The following EYS variants were observed in gnomAD, a reference collection of about 807,000 sequenced individuals.
EYS encodes the protein protein eyes shut homolog.
Under a neutral mutation model 282.1 loss-of-function variants are expected in EYS, and 250 were observed. The ratio of observed to expected loss-of-function variants is 0.89; its 90% CI spans 0.80 to 0.98. The LOEUF is 0.98. Among genes scored for constraint, EYS ranks in the 50% least tolerant of loss-of-function variants. The probability of loss-of-function intolerance (pLI) is 0.00; values close to 1 mark genes in which losing one functional copy is unlikely to be tolerated. For synonymous variants in EYS, 1,355 were observed against 1,282.9 expected (o/e 1.06, Z -1.20); for missense variants, 4,016 against 3,709.0 (o/e 1.08, Z -2.15).
At chr6:63,881,189 C>G (rs1036326071) in intron 35 of EYS, among the ~76,000 whole-genome samples, 1 of 152,140 alleles carries the variant, frequency 6.6e-6, no homozygotes, top group African/African-American at 2.4e-5. Context: ...TCGTTTTAAG[C>G]TTCTTTTCCA....
At chr6:64,850,651 G>A (rs1474678505) in intron 19 of EYS, among the ~76,000 whole-genome samples, 1 of 147,128 alleles carries the variant, frequency 6.8e-6, no homozygotes, top group Non-Finnish European at 1.5e-5. Flanking sequence ...GTAGCTGAGA[G>A]GGAGAAAAGA....
At chr6:64,684,453 A>C (rs777214066) in intron 22 of EYS, among the ~76,000 whole-genome samples, 2 of 152,130 alleles carry the variant, frequency 1.3e-5, no homozygotes, top group Non-Finnish European at 2.9e-5. Flanking sequence ...AACTGAAGAG[A>C]AATTATACTG....
intron 24 of EYS, among the ~76,000 whole-genome samples, chr6:64,603,469 CT>C (rs916458017): frequency 6.6e-6 from 1 of 151,956 alleles, no homozygotes; most frequent in Non-Finnish European, 1.5e-5. Context: ...GAACTTCGCC[CT>C]TCTTGAAAAA....
At chr6:65,577,441 C>G (rs1018150182) in intron 2 of EYS, among the ~76,000 whole-genome samples, 14 of 151,800 alleles carry the variant, frequency 9.2e-5, no homozygotes, top group Admixed American at 1.3e-4. Context: ...AAATCAAAGC[C>G]TTTAACATAA....
chr6:65,552,093 G>C (rs1768616064), intron 2 of EYS, among the ~76,000 whole-genome samples: 1 of 11,228 alleles, frequency 8.9e-5, no homozygotes, highest in Non-Finnish European at 1.3e-4. Flanking sequence ...ATCATCACTG[G>C]CCATCAGAGA....
chr6:65,572,396 A>G (rs1370200946), intron 2 of EYS, among the ~76,000 whole-genome samples: 2 of 152,156 alleles, frequency 1.3e-5, no homozygotes, highest in Non-Finnish European at 2.9e-5. Context: ...ATAATAATAA[A>G]CAATGTTGTT....
intron 26 of EYS, among the ~76,000 whole-genome samples, chr6:64,583,578 C>A (rs1321992583): frequency 1.3e-5 from 2 of 152,082 alleles, no homozygotes; most frequent in African/African-American, 4.8e-5. Context: ...GGCTTATCAC[C>A]TGAGGTTAGG....
chr6:65,413,874 G>C (rs980017440), intron 5 of EYS, among the ~76,000 whole-genome samples: 2 of 151,718 alleles, frequency 1.3e-5, no homozygotes, highest in Non-Finnish European at 2.9e-5. Context: ...AAGGAATAAT[G>C]TGAACACCAA....
intron 26 of EYS, among the ~76,000 whole-genome samples, chr6:64,470,408 A>G (rs116149852): frequency 0.016 from 2,485 of 152,334 alleles, 23 homozygotes; most frequent in South Asian, 0.035. Context: ...AAAACAAAAT[A>G]GATATTATTT....
intron 13 of EYS, among the ~76,000 whole-genome samples, chr6:65,007,857 T>C (rs969200075): frequency 1.2e-4 from 18 of 152,280 alleles, no homozygotes; most frequent in Admixed American, 7.8e-4. Flanking sequence ...CTGATGGCTA[T>C]ATTGATGTTT....
intron 8 of EYS, among the ~76,000 whole-genome samples, chr6:65,377,082 C>G (rs1765397466): frequency 6.6e-6 from 1 of 152,128 alleles, no homozygotes; most frequent in Non-Finnish European, 1.5e-5. Flanking sequence ...TTTTTATCAG[C>G]ATCACATAGC....
chr6:64,615,973 T>C (rs548931081), intron 24 of EYS, among the ~76,000 whole-genome samples: 20 of 152,234 alleles, frequency 1.3e-4, no homozygotes, highest in African/African-American at 3.4e-4. Flanking sequence ...TTGATTTTTT[T>C]ATTAAAGAAA....
At chr6:65,637,724 G>C (rs930166301) in intron 2 of EYS, among the ~76,000 whole-genome samples, 5 of 152,184 alleles carry the variant, frequency 3.3e-5, no homozygotes, top group Admixed American at 3.3e-4. Context: ...TAACAAGTGT[G>C]CGGGCACTCG....
At chr6:65,006,736 G>A (rs1008734137) in intron 13 of EYS, among the ~76,000 whole-genome samples, 1 of 152,064 alleles carries the variant, frequency 6.6e-6, no homozygotes, top group African/African-American at 2.4e-5. Context: ...GGTGATTGAG[G>A]AAAAAACCAC....
intron 41 of EYS, among the ~76,000 whole-genome samples, chr6:63,740,731 T>G (rs1012556529): frequency 6.6e-6 from 1 of 152,238 alleles, no homozygotes; most frequent in African/African-American, 2.4e-5. Context: ...TTTATTGTTA[T>G]GTGCATTAAG....
At chr6:65,309,028 G>A (rs1021813724) in intron 11 of EYS, among the ~76,000 whole-genome samples, 1 of 152,096 alleles carries the variant, frequency 6.6e-6, no homozygotes, top group African/African-American at 2.4e-5. Context: ...AAAAAGTCAT[G>A]CAGAGGTTGA....
chr6:63,864,266 C>A lies in EYS; in HGVS notation c.7148G>T (p.Gly2383Val). The A allele has an allele frequency of 6.4e-7, 1 of 1,551,262 alleles. No individual in the cohort carries two copies. Among genetic ancestry groups the A allele is most frequent in the Non-Finnish European group, 8.7e-7 (1 of 1,146,710 alleles). ...TCCGGATTTTGGAACACAGGTGGCA[C>A]CATTTCCACATGGGTTGTTTTCACA... is the stretch of plus-strand genomic sequence containing the variant. ...ASCENNPCGNGATCVPKSGTD... is the reference protein window; with the variant it reads ...ASCENNPCGNVATCVPKSGTD... Residue 2383 changes from glycine to valine, a missense_variant, in exon 36 of 43, where the codon GGT becomes GTT. Transcript: ENST00000503581.
intron 37 of EYS, 51 bp from the exon 38 acceptor site, chr6:63,789,275 T>C (rs183008554): frequency 6.0e-6 from 9 of 1,509,792 alleles, no homozygotes; most frequent in African/African-American, 1.4e-5. Flanking sequence ...AATTCAGGAG[T>C]TCCGTCAGCT....
intron 26 of EYS, among the ~76,000 whole-genome samples, chr6:64,566,557 C>G (rs1253674113): frequency 6.6e-6 from 1 of 152,060 alleles, no homozygotes; most frequent in East Asian, 1.9e-4. Flanking sequence ...GGGGATATGT[C>G]CTAGGCACTA....
Sources: allele counts gnomAD v4.1 joint callset (sites outside exome capture counted in the v4.1 genomes callset), GRCh38; gene constraint gnomAD v4.1.1; transcripts MANE v1.5; gene names NCBI Gene and HGNC (gene_info 2026-07-23, HGNC 2026-07-21).